The following PTPRG variants were observed in gnomAD, a reference collection of about 807,000 sequenced individuals.
The protein encoded by PTPRG is protein tyrosine phosphatase receptor type G.
PTPRG carries 102 observed loss-of-function variants against 165.3 expected under a neutral mutation model. The ratio of observed to expected loss-of-function variants is 0.62; its 90% CI spans 0.53 to 0.73. The LOEUF is 0.73. PTPRG is among the 30% of genes least tolerant of loss of function. The pLI is 0.00. For synonymous variants in PTPRG, 675 were observed against 669.5 expected, an observed-to-expected ratio of 1.01 and a Z score of -0.13; for missense variants, 1,866 against 1,861.4, an observed-to-expected ratio of 1.00 and a Z score of -0.05.
intron 6 of PTPRG, among the ~76,000 whole-genome samples, chr3:62,135,550 G>A (rs1250797049): frequency 6.6e-6 from 1 of 152,080 alleles, no homozygotes; most frequent in Admixed American, 6.6e-5. Flanking sequence ...TAAACAAGAA[G>A]CATCTTAAAT....
intron 4 of PTPRG, among the ~76,000 whole-genome samples, chr3:62,046,282 T>C (rs1304658066): frequency 1.3e-5 from 2 of 152,186 alleles, no homozygotes; most frequent in African/African-American, 4.8e-5. Context: ...CATTTTCTCA[T>C]CCACTCCATC....
chr3:61,988,635 C>T (rs145026730), intron 2 of PTPRG, among the ~76,000 whole-genome samples: 15 of 152,106 alleles, frequency 9.9e-5, no homozygotes, highest in Non-Finnish European at 1.9e-4. Flanking sequence ...CATTGGGAAG[C>T]CTGTGTTTTA....
chr3:61,739,598 T>C (rs1362281651), intron 1 of PTPRG, among the ~76,000 whole-genome samples: 1 of 152,248 alleles, frequency 6.6e-6, no homozygotes, highest in Admixed American at 6.5e-5. Flanking sequence ...TGTGTTCTTA[T>C]GTAAGTAACA....
At chr3:61,591,023 T>A (rs1190371736) in intron 1 of PTPRG, among the ~76,000 whole-genome samples, 1 of 152,144 alleles carries the variant, frequency 6.6e-6, no homozygotes, top group Non-Finnish European at 1.5e-5. Context: ...GGTGAGAGAA[T>A]TGCTTGAGCC....
At chr3:61,702,513 G>A (rs780474232) in intron 1 of PTPRG, among the ~76,000 whole-genome samples, 11 of 152,176 alleles carry the variant, frequency 7.2e-5, no homozygotes, top group Admixed American at 5.2e-4. Context: ...GAGTTAAAAC[G>A]TTTATACACA....
At chr3:61,995,372 G>T (rs1033163393) in intron 3 of PTPRG, among the ~76,000 whole-genome samples, 1 of 152,092 alleles carries the variant, frequency 6.6e-6, no homozygotes, top group Non-Finnish European at 1.5e-5. Context: ...TTACAGGCAT[G>T]AGCCACTGCG....
In PTPRG at chr3:62,131,907, T is replaced by G. The variant is rs184543277; in HGVS notation, c.616-695T>G. Among the ~76,000 whole-genome samples the G allele has an allele frequency of 4.1e-3, 631 of 152,278 alleles. 8 individuals are homozygous for G. The highest frequency in any genetic ancestry group is 0.019 in the Admixed American group (290 of 15,296). Reference sequence around the variant, plus strand: ...AAAGAAAATACTTGAAAGCCAAAATTGTAATATGCTGCTAGAATTTTAATC... The same window carrying G: ...AAAGAAAATACTTGAAAGCCAAAATGGTAATATGCTGCTAGAATTTTAATC... On this transcript the variant is annotated intron_variant, in intron 5 of 29. Coordinates refer to ENST00000474889, the MANE Select transcript of PTPRG (RefSeq NM_002841.4).
At chr3:62,074,181 G>GTGTA (rs1491321526) in intron 4 of PTPRG, among the ~76,000 whole-genome samples, 1 of 488 alleles carries the variant, frequency 2.0e-3, no homozygotes, top group Non-Finnish European at 6.3e-3. Context: ...AAAAGTGAGA[G>GTGTA]TGTGTGTGTG....
chr3:61,735,372 A>G (rs975564063), intron 1 of PTPRG, among the ~76,000 whole-genome samples: 7 of 152,210 alleles, frequency 4.6e-5, no homozygotes, highest in African/African-American at 9.6e-5. Context: ...TCTTTCTGCA[A>G]TTGAAGAGAA....
intron 1 of PTPRG, among the ~76,000 whole-genome samples, chr3:61,680,388 CTCCTACTCT>C (rs1703390471): frequency 6.6e-6 from 1 of 151,614 alleles, no homozygotes; most frequent in African/African-American, 2.4e-5. Context: ...CATGAATGTG[CTCCTACTCT>C]TGCCCAGGCT....
chr3:62,223,860 T>C (rs1700703897), intron 13 of PTPRG, among the ~76,000 whole-genome samples: 1 of 152,204 alleles, frequency 6.6e-6, no homozygotes, highest in Non-Finnish European at 1.5e-5. Flanking sequence ...TGTACAGAGT[T>C]TCCAATATGT....
chr3:61,763,524 C>T (rs1248378318), intron 2 of PTPRG, among the ~76,000 whole-genome samples: 1 of 104,432 alleles, frequency 9.6e-6, no homozygotes, highest in African/African-American at 3.4e-5. Context: ...TGCTACCACG[C>T]CCAGCTAATT....
intron 5 of PTPRG, among the ~76,000 whole-genome samples, chr3:62,125,469 T>C (rs1050766057): frequency 1.4e-4 from 21 of 152,180 alleles, no homozygotes; most frequent in African/African-American, 4.8e-4. Flanking sequence ...TGTGTTTTGG[T>C]TGAAGTCACT....
At chr3:62,012,574 A>G (rs2041454958) in intron 4 of PTPRG, among the ~76,000 whole-genome samples, 1 of 152,178 alleles carries the variant, frequency 6.6e-6, no homozygotes, top group African/African-American at 2.4e-5. Context: ...TGCCCCTTAA[A>G]TACGTAGCCT....
chr3:61,981,370 G>A (rs572940931), intron 2 of PTPRG, among the ~76,000 whole-genome samples: 19 of 152,328 alleles, frequency 1.2e-4, no homozygotes, highest in African/African-American at 3.6e-4. Context: ...GCTAACTGGC[G>A]TAGGCCTGGG....
chr3:62,002,493 T>G (rs2041195886), intron 3 of PTPRG, among the ~76,000 whole-genome samples: 1 of 152,234 alleles, frequency 6.6e-6, no homozygotes, highest in Non-Finnish European at 1.5e-5. Context: ...AATTTGTTTT[T>G]TATGCATTTA....
intron 6 of PTPRG, among the ~76,000 whole-genome samples, chr3:62,156,571 A>G (rs1704544588): frequency 6.6e-6 from 1 of 152,172 alleles, no homozygotes; most frequent in Non-Finnish European, 1.5e-5. Flanking sequence ...TTGGAATTGC[A>G]TGTTACTGGT....
chr3:62,026,056 G>T (rs2107771160), intron 4 of PTPRG, among the ~76,000 whole-genome samples: 1 of 152,332 alleles, frequency 6.6e-6, no homozygotes, highest in South Asian at 2.1e-4. Flanking sequence ...AAAGTATGCA[G>T]TGCCATCTGT....
At chr3:61,797,581 A>ACCACC (rs2035088327) in intron 2 of PTPRG, among the ~76,000 whole-genome samples, 3 of 127,374 alleles carry the variant, frequency 2.4e-5, no homozygotes, top group African/African-American at 9.0e-5. Context: ...TTATCTCCAC[A>ACCACC]CCCCCCCCCA....
Sources: gnomAD v4.1 joint callset for allele counts (sites outside exome capture counted in the v4.1 genomes callset) on GRCh38, gnomAD v4.1.1 for gene constraint, MANE v1.5 for transcripts, NCBI Gene and HGNC (gene_info 2026-07-23, HGNC 2026-07-21) for gene names.